The following PHLDB2 variants were observed in gnomAD, a reference collection of about 807,000 sequenced individuals.
PHLDB2 encodes the protein pleckstrin homology-like domain family B member 2.
Under a neutral mutation model 123.6 loss-of-function variants are expected in PHLDB2, and 71 were observed. The ratio of observed to expected loss-of-function variants is 0.57; its 90% confidence interval spans 0.47 to 0.70. The LOEUF (loss-of-function observed/expected upper bound fraction) is 0.70, where lower values mean the gene tolerates loss of function less well. Among genes scored for constraint, PHLDB2 ranks in the 30% least tolerant of loss-of-function variants. PHLDB2 has a pLI of 0.00. For missense variants in PHLDB2, 1,446 were observed against 1,519.5 expected, an observed-to-expected ratio of 0.95 and a Z score of 0.80; for synonymous variants, 547 against 541.6, an observed-to-expected ratio of 1.01 and a Z score of -0.14.
In PHLDB2 at chr3:111,918,625, T is replaced by C. The variant is rs2068313963; in HGVS notation, c.1720-447T>C. 2.6e-5 allele frequency among the ~76,000 whole-genome samples: 4 copies of C among 152,194 alleles called. No homozygotes were observed. The South Asian group carries it at 8.3e-4, about 32-fold the overall frequency. ...ATTCAAGAGGCTTTTGCAGATGTCC[T>C]CACCTGGAAGATGGGAGAGAATATT... On this transcript the variant is annotated intron_variant, in intron 3 of 17. Transcript: ENST00000431670.
intron 1 of PHLDB2, among the ~76,000 whole-genome samples, chr3:111,807,303 T>G (rs1239862815): frequency 6.6e-6 from 1 of 152,158 alleles, no homozygotes; most frequent in African/African-American, 2.4e-5. Flanking sequence ...AATTGCTGAC[T>G]AGAAAATCAC....
At chr3:111,783,649 T>A (rs947709498) in intron 1 of PHLDB2, among the ~76,000 whole-genome samples, 15 of 152,134 alleles carry the variant, frequency 9.9e-5, no homozygotes, top group Admixed American at 2.0e-4. Flanking sequence ...ACTATAAAGG[T>A]ACTTGTATTC....
intron 2 of PHLDB2, among the ~76,000 whole-genome samples, chr3:111,892,065 T>A (rs1035534723): frequency 6.6e-6 from 1 of 152,208 alleles, no homozygotes; most frequent in Non-Finnish European, 1.5e-5. Context: ...TTTAGAACTA[T>A]GCAGGGCCAC....
At position 111,962,278 on chromosome 3, in the gene PHLDB2, A is replaced by G. The variant is rs1407792114; in HGVS notation, c.3043A>G (p.Ser1015Gly). Residue 1015 changes from serine (S) to glycine (G), a missense_variant, in exon 13 of 18, where the codon AGC becomes GGC. Ser to Gly is a moderately conservative substitution (Grantham distance 56). Around this residue, in one of 3 missense-constraint regions of PHLDB2, gnomAD observed 594 missense variants for 646.0 expected, o/e 0.92. Coordinates refer to ENST00000431670, the MANE Select transcript of PHLDB2 (RefSeq NM_001134438.2). ...CGATAGCTCTGATAGCATGGAGACC[A>G]GCATCTCTGCTTGCTCACCAGACAA... ...SLDSSDSMETSISACSPDNIS... is the reference protein window; with the variant it reads ...SLDSSDSMETGISACSPDNIS... 4 of 1,584,982 alleles carry G rather than the reference A, an allele frequency of 2.5e-6. No individual in the cohort carries two copies. The African/African-American group carries it at 5.5e-5, about 22-fold the overall frequency.
intron 1 of PHLDB2, among the ~76,000 whole-genome samples, chr3:111,739,267 A>T (rs2059558539): frequency 6.6e-6 from 1 of 152,164 alleles, no homozygotes; most frequent in Non-Finnish European, 1.5e-5. Context: ...CTGGGCATTG[A>T]TCTTTACTAG....
intron 1 of PHLDB2, among the ~76,000 whole-genome samples, chr3:111,809,990 G>A (rs1044298945): frequency 9.9e-5 from 15 of 152,106 alleles, no homozygotes; most frequent in Non-Finnish European, 5.9e-5. Context: ...CTGCACCCAG[G>A]TAATTTTTTA....
At chr3:111,956,910 T>C (rs1418159129) in intron 12 of PHLDB2, 1 of 152,232 alleles carries the variant, frequency 6.6e-6, no homozygotes, top group Non-Finnish European at 1.5e-5. Context: ...AAATTATACC[T>C]GGCATATTTT....
intron 1 of PHLDB2, among the ~76,000 whole-genome samples, chr3:111,737,505 C>T (rs1481531037): frequency 1.3e-5 from 2 of 152,124 alleles, no homozygotes; most frequent in Non-Finnish European, 1.5e-5. Flanking sequence ...TCAAGTTTCC[C>T]ATGAGAGCAG....
At chr3:111,902,885 A>C (rs917336812) in intron 2 of PHLDB2, among the ~76,000 whole-genome samples, 1 of 151,778 alleles carries the variant, frequency 6.6e-6, no homozygotes, top group African/African-American at 2.4e-5. Flanking sequence ...GTGATCCCCT[A>C]CCTTGGCCTC....
intron 2 of PHLDB2, among the ~76,000 whole-genome samples, chr3:111,848,609 G>T (rs2064116905): frequency 6.6e-6 from 1 of 152,202 alleles, no homozygotes; most frequent in Non-Finnish European, 1.5e-5. Flanking sequence ...TCTGCCAACA[G>T]ACTTGGGGTG....
intron 4 of PHLDB2, 98 bp downstream of exon 4, chr3:111,919,313 C>T (rs2068358343): frequency 4.2e-5 from 52 of 1,240,084 alleles, no homozygotes; most frequent in Non-Finnish European, 5.7e-5. Context: ...GATACATAGA[C>T]GTCAACACAA....
In PHLDB2 at chr3:111,925,808, G is replaced by C. The variant is rs149903216; in HGVS notation, c.2001+5389G>C. ...ACGGATGTGTGCATCTGTTTGCGTA[G>C]GTTTTCTGTCTCTATTTCTAGCTGT... is the stretch of plus-strand genomic sequence containing the variant. On this transcript the variant is annotated intron_variant, in intron 5 of 17. Transcript: ENST00000431670. Among the ~76,000 whole-genome samples, 279 of 152,246 alleles carry C rather than the reference G, an allele frequency of 1.8e-3. 2 individuals are homozygous for C. Among genetic ancestry groups the C allele is most frequent in the African/African-American group, 6.5e-3 (270 of 41,548 alleles).
intron 1 of PHLDB2, among the ~76,000 whole-genome samples, chr3:111,769,492 A>T (rs2060137957): frequency 6.6e-6 from 1 of 152,128 alleles, no homozygotes; most frequent in Non-Finnish European, 1.5e-5. Flanking sequence ...TCTTTCCCTC[A>T]TCTGAACAGT....
intron 12 of PHLDB2, among the ~76,000 whole-genome samples, chr3:111,961,127 TC>T (rs1236018770): frequency 1.3e-5 from 2 of 152,114 alleles, no homozygotes; most frequent in African/African-American, 4.8e-5. Flanking sequence ...GGTCAAGAGA[TC>T]AGGATAATCC....
At chr3:111,763,058 T>C (rs966479763) in intron 1 of PHLDB2, among the ~76,000 whole-genome samples, 21 of 152,184 alleles carry the variant, frequency 1.4e-4, no homozygotes, top group Non-Finnish European at 2.2e-4. Flanking sequence ...CCAGCACTTC[T>C]ACAGGCAGCC....
intron 1 of PHLDB2, among the ~76,000 whole-genome samples, chr3:111,783,539 G>T (rs902325489): frequency 6.6e-6 from 1 of 152,118 alleles, no homozygotes; most frequent in African/African-American, 2.4e-5. Flanking sequence ...ACCTTTAAAT[G>T]TGTTCAAATC....
intron 1 of PHLDB2, among the ~76,000 whole-genome samples, chr3:111,749,525 C>A (rs1362386601): frequency 6.6e-6 from 1 of 152,188 alleles, no homozygotes; most frequent in Non-Finnish European, 1.5e-5. Flanking sequence ...GTCTCCTTTA[C>A]ATTTACAGTG....
At chr3:111,745,600 A>C (rs2059667612) in intron 1 of PHLDB2, among the ~76,000 whole-genome samples, 2 of 152,032 alleles carry the variant, frequency 1.3e-5, no homozygotes, top group Admixed American at 6.6e-5. Flanking sequence ...TCTCTACAAA[A>C]AATTTTTTAA....
chr3:111,889,672 A>C (rs2066368666), intron 2 of PHLDB2, among the ~76,000 whole-genome samples: 1 of 152,212 alleles, frequency 6.6e-6, no homozygotes, highest in Non-Finnish European at 1.5e-5. Flanking sequence ...ACTGAACTCC[A>C]GCCCAGGTGG....
Sources: allele counts gnomAD v4.1 joint callset (sites outside exome capture counted in the v4.1 genomes callset), GRCh38; gene constraint gnomAD v4.1.1; regional missense constraint gnomAD v4.1.1; transcripts MANE v1.5; gene names NCBI Gene and HGNC (gene_info 2026-07-23, HGNC 2026-07-21).